BCAR3: variants seen among roughly 807,000 people sequenced by gnomAD.
The protein encoded by BCAR3 is breast cancer anti-estrogen resistance protein 3.
Under a neutral mutation model 80.1 loss-of-function variants are expected in BCAR3, and 37 were observed. The observed-to-expected ratio is 0.46, with a 90% CI of 0.36 to 0.61. The LOEUF is 0.61. Among genes scored for constraint, BCAR3 ranks in the 20% least tolerant of loss-of-function variants. The pLI is 0.00. For missense variants in BCAR3, 978 were observed against 1,068.2 expected (o/e 0.92, Z 1.18); for synonymous variants, 389 against 418.9 (o/e 0.93, Z 0.87).
rs533545602 is a variant in BCAR3 at position 93,838,892 on chromosome 1, G to A, written c.-63+6675C>T. Among the ~76,000 whole-genome samples the A allele has an allele frequency of 5.9e-5, 9 of 152,334 alleles. No homozygotes were observed. In the East Asian group the frequency reaches 9.7e-4, roughly 16 times the overall value. Reference sequence around the variant, plus strand: ...GCAAAGACCAAAAAATAGTGAAATAGTGAAATAAGGAGCATCCCAGTGGAC... The same window carrying A: ...GCAAAGACCAAAAAATAGTGAAATAATGAAATAAGGAGCATCCCAGTGGAC... On this transcript the variant is annotated intron_variant, in intron 2 of 13. Coordinates refer to the BCAR3 transcript ENST00000370244.
chr1:93,627,815 C>T (rs1675496569), intron 3 of BCAR3, among the ~76,000 whole-genome samples: 8 of 152,248 alleles, frequency 5.3e-5, no homozygotes, highest in Non-Finnish European at 1.5e-5. Flanking sequence ...AGTCTTGAGA[C>T]AAATGAATTT....
chr1:93,790,266 C>A (rs928411207), intron 2 of BCAR3, among the ~76,000 whole-genome samples: 5 of 151,964 alleles, frequency 3.3e-5, no homozygotes, highest in Admixed American at 2.6e-4. Context: ...TAGAAAAAAA[C>A]CCTGAACATA....
At chr1:93,788,999 CTCTA>C (rs1653045628) in intron 2 of BCAR3, among the ~76,000 whole-genome samples, 2 of 151,678 alleles carry the variant, frequency 1.3e-5, no homozygotes, top group African/African-American at 4.9e-5. Context: ...TTTTTTCTTC[CTCTA>C]TCTTTCTCTC....
At chr1:93,805,486 G>T (rs1398033047) in intron 2 of BCAR3, among the ~76,000 whole-genome samples, 1 of 152,238 alleles carries the variant, frequency 6.6e-6, no homozygotes, top group Non-Finnish European at 1.5e-5. Context: ...ACACTGGACA[G>T]TGTGTCTCTG....
At chr1:93,627,510 G>A (rs1675487256) in intron 3 of BCAR3, among the ~76,000 whole-genome samples, 1 of 152,134 alleles carries the variant, frequency 6.6e-6, no homozygotes, top group Admixed American at 6.5e-5. Context: ...TTCAACCAAA[G>A]TAACACAAAA....
intron 2 of BCAR3, among the ~76,000 whole-genome samples, chr1:93,671,262 G>T (rs1185067699): frequency 6.6e-6 from 1 of 152,120 alleles, no homozygotes; most frequent in East Asian, 1.9e-4. Context: ...CAAAGTGCTG[G>T]GATTACAGGC....
chr1:93,571,460 T>G (rs1009492812), intron 9 of BCAR3: 23 of 537,960 alleles, frequency 4.3e-5, no homozygotes, highest in Non-Finnish European at 7.5e-5. Flanking sequence ...ATTGTGCCAC[T>G]GCTAGCCTAG....
Position 93,618,945 on chromosome 1 carries a change from T to TG in BCAR3, c.357+23358_357+23359insC, listed in dbSNP as rs369611765. Among the ~76,000 whole-genome samples the TG allele has an allele frequency of 1.7e-4, 25 of 150,962 alleles. No homozygotes were observed. In the East Asian group the frequency reaches 4.3e-3, roughly 26 times the overall value. ...GTGGGTTTTTTTTTTTTTTGTTTTT[T>TG]TTTTTTTAATCTGAGACGGAATCTC... On this transcript the variant is annotated intron_variant, in intron 3 of 11. Coordinates refer to ENST00000260502, the MANE Select transcript of BCAR3 (RefSeq NM_003567.4).
intron 2 of BCAR3, among the ~76,000 whole-genome samples, chr1:93,649,557 T>C (rs1380772992): frequency 6.7e-6 from 1 of 149,658 alleles, no homozygotes; most frequent in Non-Finnish European, 1.5e-5. Context: ...AAAAAAATCA[T>C]GTAGCTGGGA....
At chr1:93,678,035 T>C (rs1648575662) in intron 1 of BCAR3, among the ~76,000 whole-genome samples, 1 of 152,184 alleles carries the variant, frequency 6.6e-6, no homozygotes, top group South Asian at 2.1e-4. Flanking sequence ...AAGCAAGGAA[T>C]GAGTTCTACT....
chr1:93,785,411 C>CA (rs1652904272), intron 2 of BCAR3, among the ~76,000 whole-genome samples: 1 of 152,192 alleles, frequency 6.6e-6, no homozygotes, highest in African/African-American at 2.4e-5. Context: ...AGCTCCAGCT[C>CA]ACTGCTGATA....
intron 2 of BCAR3, among the ~76,000 whole-genome samples, chr1:93,758,527 T>C (rs1651824080): frequency 1.3e-5 from 2 of 152,198 alleles, no homozygotes; most frequent in South Asian, 4.1e-4. Flanking sequence ...AGTTCTATGA[T>C]GGTCTAAATC....
At position 93,592,627 on chromosome 1, in the gene BCAR3, T is replaced by G; in HGVS notation, c.358-234A>C. Reference sequence around the variant, plus strand: ...TATGGTAGGAGAGTCCACCAAGAGGTTCCTTTTACCAGTCTACTCAAGCAG... The same window carrying G: ...TATGGTAGGAGAGTCCACCAAGAGGGTCCTTTTACCAGTCTACTCAAGCAG... On this transcript the variant is annotated intron_variant, in intron 3 of 11. Transcript: ENST00000260502. This position sits in a 1 kb window ranked among gnomAD's most constrained non-coding sequence, Gnocchi z 4.8. 2.3e-6 allele frequency: 1 copy of G among 441,694 alleles called. No individual in the cohort carries two copies. Among genetic ancestry groups the G allele is most frequent in the Non-Finnish European group, 4.0e-6 (1 of 252,272 alleles). 27.4% of individuals were successfully genotyped at this position (441,694 alleles called of 1,614,324 possible). A position where few individuals can be genotyped will look rare whatever the true frequency, so the allele number is the denominator to read the frequency against.
chr1:93,700,539 G>A (rs986085254), intron 3 of BCAR3, among the ~76,000 whole-genome samples: 3 of 152,116 alleles, frequency 2.0e-5, no homozygotes, highest in Non-Finnish European at 4.4e-5. Flanking sequence ...GAGCATCCCC[G>A]ATGGGCTCAT....
At position 93,629,309 on chromosome 1, in the gene BCAR3, G is replaced by A. The variant is rs1024288223; in HGVS notation, c.357+12995C>T. Among the ~76,000 whole-genome samples the A allele has an allele frequency of 3.3e-5, 5 of 152,182 alleles. No individual in the cohort carries two copies. In the East Asian group the frequency reaches 7.7e-4, roughly 24 times the overall value. On this transcript the variant is annotated intron_variant, in intron 3 of 11. Transcript: ENST00000260502. ...ATACCAGCATCCTTCCTGCCAAGCC[G>A]AGATGTTTTTTCAGATACCAAATCA... is the stretch of plus-strand genomic sequence containing the variant.
intron 2 of BCAR3, among the ~76,000 whole-genome samples, chr1:93,819,835 G>A (rs1654153454): frequency 6.6e-6 from 1 of 152,076 alleles, no homozygotes; most frequent in Admixed American, 6.6e-5. Context: ...GTGTGTCATG[G>A]GGGTTTGGTG....
intron 2 of BCAR3, among the ~76,000 whole-genome samples, chr1:93,799,984 C>T (rs2100787151): frequency 6.6e-6 from 1 of 152,290 alleles, no homozygotes; most frequent in Middle Eastern, 3.4e-3. Context: ...GATGGGGAAT[C>T]ACAATCTTGT....
chr1:93,653,028 G>A (rs889087761), intron 2 of BCAR3, among the ~76,000 whole-genome samples: 60 of 152,286 alleles, frequency 3.9e-4, no homozygotes, highest in African/African-American at 1.2e-3. Flanking sequence ...CACTTGATCT[G>A]TAAGTGTTTG....
intron 2 of BCAR3, among the ~76,000 whole-genome samples, chr1:93,817,788 T>C (rs1445788784): frequency 6.6e-6 from 1 of 152,058 alleles, no homozygotes; most frequent in Non-Finnish European, 1.5e-5. Flanking sequence ...CTAGCCCTGT[T>C]TACCCCCCCA....
Sources: gnomAD v4.1 joint callset for allele counts (sites outside exome capture counted in the v4.1 genomes callset) on GRCh38, gnomAD v4.1.1 for gene constraint, Gnocchi (gnomAD v3.1) non-coding constraint, MANE v1.5 for transcripts, NCBI Gene and HGNC (gene_info 2026-07-23, HGNC 2026-07-21) for gene names.